The following COL23A1 variants were observed in gnomAD, a reference collection of about 807,000 sequenced individuals.
COL23A1 encodes the protein collagen type XXIII alpha 1 chain.
A neutral mutation model predicts 99.3 loss-of-function variants in COL23A1; 97 were observed. The observed-to-expected ratio is 0.98, with a 90% CI of 0.83 to 1.16. The LOEUF is 1.16. Among genes scored for constraint, COL23A1 ranks in the 50% most tolerant of loss-of-function variants. The pLI is 0.00. For missense variants in COL23A1, 762 were observed against 757.4 expected (o/e 1.01, Z -0.07); for synonymous variants, 320 against 308.2 (o/e 1.04, Z -0.40).
At position 178,415,868 on chromosome 5, in the gene COL23A1, C is replaced by T. The variant is rs1158758308; in HGVS notation, c.362-108949G>A. 6.6e-6 allele frequency among the ~76,000 whole-genome samples: 1 copy of T among 152,084 alleles called. No homozygotes were observed. Among genetic ancestry groups the T allele is most frequent in the Non-Finnish European group, 1.5e-5 (1 of 68,008 alleles). ...GGGGCAGGATAAGGGAGAGGAGGTA[C>T]TGGGTGAGGCCAGGGAGGGCTTCCG... is the stretch of plus-strand genomic sequence containing the variant. On this transcript the variant is annotated intron_variant, in intron 2 of 28. Transcript: ENST00000390654. The surrounding 1 kb of genome is among the most constrained non-coding windows in gnomAD (Gnocchi z 4.6).
chr5:178,519,834 G>A (rs1332106414), intron 2 of COL23A1, among the ~76,000 whole-genome samples: 2 of 152,248 alleles, frequency 1.3e-5, no homozygotes, highest in Admixed American at 6.5e-5. Flanking sequence ...CAGATAGATG[G>A]AGGATGGTCA....
In COL23A1 at chr5:178,358,687, G is replaced by GTA. The variant is rs1185999038; in HGVS notation, c.362-51769_362-51768insTA. Among the ~76,000 whole-genome samples the GTA allele has an allele frequency of 3.3e-4, 44 of 131,834 alleles. 1 individual carries two copies. Among genetic ancestry groups the GTA allele is most frequent in the South Asian group, 7.9e-4 (3 of 3,810 alleles). The allele number at this position is 131,834 out of a possible 152,430, so 86.5% of individuals were successfully genotyped here. A position where few individuals can be genotyped will look rare whatever the true frequency, so the allele number is the denominator to read the frequency against. On this transcript the variant is annotated intron_variant, in intron 2 of 28. Transcript: ENST00000390654. ...ATGTGTCTAATGTGTATGTGTATGT[G>GTA]TGTGTATGTATGTGTATGTGTGTAT...
chr5:178,285,825 G>A (rs549346148), intron 5 of COL23A1, among the ~76,000 whole-genome samples: 3 of 152,344 alleles, frequency 2.0e-5, no homozygotes, highest in South Asian at 4.1e-4. Flanking sequence ...GCTGAGAGCC[G>A]GGCAGAGCCC....
chr5:178,518,405 T>C (rs995855882), intron 2 of COL23A1, among the ~76,000 whole-genome samples: 4 of 150,442 alleles, frequency 2.7e-5, no homozygotes, highest in African/African-American at 7.4e-5. Context: ...CTCAATGAGC[T>C]GTTGGGCACA....
chr5:178,351,990 T>C (rs903261051), intron 2 of COL23A1: 3 of 152,226 alleles, frequency 2.0e-5, no homozygotes, highest in Non-Finnish European at 4.4e-5. Flanking sequence ...GACACCTTGG[T>C]CTTGGATGTC....
At chr5:178,342,787 GA>G (rs369802005) in intron 2 of COL23A1, among the ~76,000 whole-genome samples, 1 of 122,194 alleles carries the variant, frequency 8.2e-6, no homozygotes, top group African/African-American at 2.6e-5. Context: ...TTCTTGTCAA[GA>G]AAAAAAAAAC....
chr5:178,319,682 T>G (rs1439244226), intron 2 of COL23A1, among the ~76,000 whole-genome samples: 1 of 152,226 alleles, frequency 6.6e-6, no homozygotes, highest in Non-Finnish European at 1.5e-5. Flanking sequence ...AGCGCCCTCC[T>G]GAGGGAAGAG....
At position 178,560,640 on chromosome 5, in the gene COL23A1, G is replaced by A. The variant is rs761062443; in HGVS notation, c.361+42C>T. ...TTCTCAGCAATCCCAAGCAAACGGC[G>A]GCCGAACGCAGGAGCCAGAAGGGAG... On this transcript the variant is annotated intron_variant, in intron 2 of 28. Transcript: ENST00000390654. 2.5e-5 allele frequency: 40 copies of A among 1,576,342 alleles called. No homozygotes were observed. In the East Asian group the frequency reaches 4.0e-4, roughly 16 times the overall value.
At position 178,294,784 on chromosome 5, in the gene COL23A1, G is replaced by A. The variant is rs113554386; in HGVS notation, c.407-4415C>T. ...ATAATCCAGAAGCCATAAAAGAGAG[G>A]TCTGATCCAACCACATAAACCCAAA... On this transcript the variant is annotated intron_variant, in intron 3 of 28. Transcript: ENST00000390654. Among the ~76,000 whole-genome samples the A allele has an allele frequency of 8.0e-3, 1,222 of 152,268 alleles. 17 individuals are homozygous for A. The highest frequency in any genetic ancestry group is 0.028 in the African/African-American group (1,172 of 41,562).
chr5:178,445,289 G>C (rs569213956), intron 2 of COL23A1, among the ~76,000 whole-genome samples: 1 of 152,198 alleles, frequency 6.6e-6, no homozygotes, highest in African/African-American at 2.4e-5. Context: ...ACTGGGGTCT[G>C]TTTCAGACAT....
chr5:178,262,272 C>T lies in COL23A1; in HGVS notation c.640-20G>A, dbSNP rs199801417. On this transcript the variant is annotated intron_variant, in intron 9 of 28. Coordinates refer to ENST00000390654, the MANE Select transcript of COL23A1 (RefSeq NM_173465.4). The stretch of plus-strand genomic sequence containing the variant: ...GGGGCCCTGCGGAAGTGTGAGGGGA[C>T]AGCAGTGAAGGATGCAGGATGTCAC... 1.3e-6 allele frequency: 2 copies of T among 1,575,108 alleles called. No individual in the cohort carries two copies. The highest frequency in any genetic ancestry group is 1.2e-5 in the South Asian group (1 of 85,752).
Position 178,578,121 on chromosome 5 carries a change from GCA to G in COL23A1, c.294+11781_294+11782del, listed in dbSNP as rs33991455. Among the ~76,000 whole-genome samples the G allele has an allele frequency of 4.3e-3, 623 of 146,252 alleles. 1 individual carries two copies. The highest frequency in any genetic ancestry group is 0.015 in the African/African-American group (577 of 38,566). ...CACACGCCCACATGCACACATTCAT[GCA>G]CACACACACATGCATGCACACACAT... On this transcript the variant is annotated intron_variant, in intron 1 of 28. Coordinates refer to ENST00000390654, the MANE Select transcript of COL23A1 (RefSeq NM_173465.4).
intron 2 of COL23A1, among the ~76,000 whole-genome samples, chr5:178,369,847 A>ACAGTT (rs1326264523): frequency 6.6e-6 from 1 of 152,244 alleles, no homozygotes; most frequent in Non-Finnish European, 1.5e-5. Context: ...ACAGACTAAC[A>ACAGTT]CAGTTCAGCA....
chr5:178,408,863 G>C lies in COL23A1; in HGVS notation c.362-101944C>G, dbSNP rs1168210721. On this transcript the variant is annotated intron_variant, in intron 2 of 28. Coordinates refer to ENST00000390654, the MANE Select transcript of COL23A1 (RefSeq NM_173465.4). ...CCAGATACTTGGGAGGTTGAGGCAG[G>C]AGAATCACTTGAACTTGGGAGTCAG... Among the ~76,000 whole-genome samples the C allele has an allele frequency of 2.6e-5, 4 of 151,292 alleles. No individual in the cohort carries two copies. The East Asian group carries it at 7.7e-4, about 29-fold the overall frequency.
chr5:178,526,083 C>T (rs1760291965), intron 2 of COL23A1, among the ~76,000 whole-genome samples: 1 of 152,242 alleles, frequency 6.6e-6, no homozygotes. Context: ...ACAAGGGCTG[C>T]AGTAACCCAA....
rs192202836 is a variant in COL23A1, at chr5:178,558,160, C to T, written c.361+2522G>A. The stretch of plus-strand genomic sequence containing the variant: ...CCAAGACCTTCTTGGGGGCCTCTTT[C>T]TAGAGGAGTTCAGGACCCCTGTTCC... On this transcript the variant is annotated intron_variant, in intron 2 of 28. Coordinates refer to ENST00000390654, the MANE Select transcript of COL23A1 (RefSeq NM_173465.4). 1.3e-3 allele frequency among the ~76,000 whole-genome samples: 205 copies of T among 151,994 alleles called. 1 individual carries two copies. Among genetic ancestry groups the T allele is most frequent in the Non-Finnish European group, 2.3e-3 (157 of 67,962 alleles).
chr5:178,514,297 C>T (rs1759381539), intron 2 of COL23A1, among the ~76,000 whole-genome samples: 1 of 152,186 alleles, frequency 6.6e-6, no homozygotes. Context: ...TAGCACAGAC[C>T]GCTTATCCCT....
rs959424238 is a variant in COL23A1 at position 178,434,172 on chromosome 5, T to A, written c.361+126510A>T. Among the ~76,000 whole-genome samples, 2 of 152,196 alleles carry A rather than the reference T, an allele frequency of 1.3e-5. No individual in the cohort carries two copies. Among genetic ancestry groups the A allele is most frequent in the Admixed American group, 6.5e-5 (1 of 15,288 alleles). ...AACAGCGACTGTCATCTTCTCCACT[T>A]TCCAGATAGGGAAATCAAGGCTTAG... On this transcript the variant is annotated intron_variant, in intron 2 of 28. Coordinates refer to ENST00000390654, the MANE Select transcript of COL23A1 (RefSeq NM_173465.4). This position sits in a 1 kb window ranked among gnomAD's most constrained non-coding sequence, Gnocchi z 4.3.
At chr5:178,560,789 T>C (rs1581639833) in intron 1 of COL23A1, 41 bp from the exon 2 acceptor site, 1 of 1,547,766 alleles carries the variant, frequency 6.5e-7, no homozygotes, top group Non-Finnish European at 8.8e-7. Flanking sequence ...GAGGAGAGAA[T>C]GAGTTTCAGA....
Sources: allele counts gnomAD v4.1 joint callset (sites outside exome capture counted in the v4.1 genomes callset), GRCh38; gene constraint gnomAD v4.1.1; non-coding constraint Gnocchi (gnomAD v3.1); transcripts MANE v1.5; gene names NCBI Gene and HGNC (gene_info 2026-07-23, HGNC 2026-07-21).